C8orf34: variants seen among roughly 807,000 people sequenced by gnomAD.
The protein encoded by C8orf34 is uncharacterized protein C8orf34.
A neutral mutation model predicts 68.3 loss-of-function variants in C8orf34; 65 were observed. The ratio of observed to expected loss-of-function variants is 0.95; its 90% CI spans 0.78 to 1.17. C8orf34 has a LOEUF of 1.17. Ranked by LOEUF, C8orf34 falls within the 50% of genes most tolerant of loss-of-function variation. The probability of loss-of-function intolerance (pLI) is 0.00; values close to 1 mark genes in which losing one functional copy is unlikely to be tolerated. For missense variants in C8orf34, 664 were observed against 655.4 expected (o/e 1.01, Z -0.14); for synonymous variants, 244 against 241.2 (o/e 1.01, Z -0.11).
At chr8:68,752,033 G>A (rs1050727139) in intron 10 of C8orf34, among the ~76,000 whole-genome samples, 3 of 152,128 alleles carry the variant, frequency 2.0e-5, no homozygotes, top group African/African-American at 7.2e-5. Context: ...CATAGGCTCA[G>A]AGAATGTGGA....
At chr8:68,570,836 A>G (rs1039976260) in intron 7 of C8orf34, among the ~76,000 whole-genome samples, 1 of 152,222 alleles carries the variant, frequency 6.6e-6, no homozygotes, top group Admixed American at 6.5e-5. Context: ...AGAAGCACCA[A>G]CTTAATTCCT....
chr8:68,454,033 T>C (rs1811450215), intron 3 of C8orf34, among the ~76,000 whole-genome samples: 1 of 152,030 alleles, frequency 6.6e-6, no homozygotes, highest in Non-Finnish European at 1.5e-5. Context: ...ATTGAGATAA[T>C]CATGCAGTTT....
At chr8:68,608,807 C>A (rs1313512954) in intron 7 of C8orf34, among the ~76,000 whole-genome samples, 1 of 151,964 alleles carries the variant, frequency 6.6e-6, no homozygotes, top group African/African-American at 2.4e-5. Context: ...AGCAATCCAA[C>A]AGAGGAAGGA....
intron 7 of C8orf34, among the ~76,000 whole-genome samples, chr8:68,566,465 T>C (rs893234133): frequency 1.3e-5 from 2 of 152,234 alleles, no homozygotes; most frequent in African/African-American, 4.8e-5. Context: ...CTTAGCTAGA[T>C]CTTCTGGATA....
intron 7 of C8orf34, among the ~76,000 whole-genome samples, chr8:68,631,433 T>G (rs1428520122): frequency 1.3e-5 from 2 of 152,126 alleles, no homozygotes; most frequent in African/African-American, 4.8e-5. Flanking sequence ...AAACACAGAA[T>G]TGATATGTTC....
intron 5 of C8orf34, among the ~76,000 whole-genome samples, chr8:68,494,397 A>T (rs1430950171): frequency 1.3e-5 from 2 of 152,188 alleles, no homozygotes; most frequent in Non-Finnish European, 2.9e-5. Flanking sequence ...TTATTGTTTA[A>T]TGAGTGTAGA....
chr8:68,661,190 T>C (rs950726324), intron 8 of C8orf34, among the ~76,000 whole-genome samples: 1 of 152,198 alleles, frequency 6.6e-6, no homozygotes, highest in Admixed American at 6.5e-5. Context: ...GGACGCAGCA[T>C]GCACATGTAG....
chr8:68,349,143 T>C (rs796845443), intron 1 of C8orf34, among the ~76,000 whole-genome samples: 6 of 151,926 alleles, frequency 3.9e-5, no homozygotes, highest in African/African-American at 1.4e-4. Flanking sequence ...TTTTGAGGTA[T>C]GTTTCTTCAA....
intron 12 of C8orf34, among the ~76,000 whole-genome samples, chr8:68,812,876 G>A (rs550995767): frequency 9.9e-5 from 15 of 152,206 alleles, no homozygotes; most frequent in South Asian, 2.1e-4. Context: ...AGATACATGC[G>A]TGTAATAAGT....
intron 10 of C8orf34, among the ~76,000 whole-genome samples, chr8:68,736,811 C>A (rs1259534496): frequency 6.6e-6 from 1 of 152,034 alleles, no homozygotes; most frequent in Non-Finnish European, 1.5e-5. Flanking sequence ...TGGTATACTT[C>A]AAACGTCACA....
chr8:68,741,536 G>A (rs568534144), intron 10 of C8orf34, among the ~76,000 whole-genome samples: 1 of 152,206 alleles, frequency 6.6e-6, no homozygotes, highest in South Asian at 2.1e-4. Context: ...TCACCCTGTT[G>A]TGCTAGCAAA....
chr8:68,372,450 T>C (rs1281425058), intron 1 of C8orf34, among the ~76,000 whole-genome samples: 1 of 152,098 alleles, frequency 6.6e-6, no homozygotes, highest in African/African-American at 2.4e-5. Flanking sequence ...TGAGGACTTG[T>C]AATGAGAATG....
At chr8:68,415,012 T>C (rs1001411720) in intron 1 of C8orf34, among the ~76,000 whole-genome samples, 1 of 152,052 alleles carries the variant, frequency 6.6e-6, no homozygotes, top group African/African-American at 2.4e-5. Flanking sequence ...AAACTTAAAA[T>C]TTGAGACCCA....
At chr8:68,727,502 G>T (rs1821865887) in intron 10 of C8orf34, among the ~76,000 whole-genome samples, 1 of 152,172 alleles carries the variant, frequency 6.6e-6, no homozygotes, top group Admixed American at 6.5e-5. Context: ...TCCACTATGT[G>T]GTGCCCCAGT....
At chr8:68,607,251 T>C (rs1232269544) in intron 7 of C8orf34, among the ~76,000 whole-genome samples, 1 of 152,110 alleles carries the variant, frequency 6.6e-6, no homozygotes, top group Non-Finnish European at 1.5e-5. Flanking sequence ...AAGACTAACA[T>C]TATTATCTAT....
chr8:68,768,575 A>T (rs1428838795), intron 10 of C8orf34, among the ~76,000 whole-genome samples: 1 of 152,234 alleles, frequency 6.6e-6, no homozygotes, highest in Non-Finnish European at 1.5e-5. Context: ...TGACTCTAGA[A>T]TTAGAATATC....
At chr8:68,737,395 C>T (rs904775224) in intron 10 of C8orf34, among the ~76,000 whole-genome samples, 2 of 152,132 alleles carry the variant, frequency 1.3e-5, no homozygotes, top group Middle Eastern at 3.4e-3. Flanking sequence ...TCCACTGCAA[C>T]TTCCTGATCA....
chr8:68,619,902 T>C (rs988172920), intron 7 of C8orf34, among the ~76,000 whole-genome samples: 3 of 152,094 alleles, frequency 2.0e-5, no homozygotes, highest in Non-Finnish European at 4.4e-5. Context: ...AAGACAAAAT[T>C]AGGTCACAGA....
At position 68,815,873 on chromosome 8, in the gene C8orf34, T is replaced by C; in HGVS notation, c.1550-13T>C. On this transcript the variant is annotated splice_polypyrimidine_tract_variant and intron_variant, in intron 12 of 13. Coordinates refer to ENST00000518698, the MANE Select transcript of C8orf34 (RefSeq NM_052958.4). The stretch of plus-strand genomic sequence containing the variant: ...TGGCCTGGCATATTATCTCTGTTTC[T>C]TTTGTTGTGCAGGTTCCGCTGATCT... The C allele has an allele frequency of 6.2e-7, 1 of 1,613,774 alleles. No homozygotes were observed.
Sources: gnomAD v4.1 joint callset for allele counts (sites outside exome capture counted in the v4.1 genomes callset) on GRCh38, gnomAD v4.1.1 for gene constraint, MANE v1.5 for transcripts, NCBI Gene and HGNC (gene_info 2026-07-23, HGNC 2026-07-21) for gene names.